The following HSF5 variants were observed in gnomAD, a reference collection of about 807,000 sequenced individuals.
HSF5 encodes heat shock factor protein 5.
In HSF5, 5 loss-of-function variants were observed where a neutral mutation model predicts 50.8. That is an observed-to-expected ratio of 0.10 (90% CI 0.05 to 0.21). HSF5 has a LOEUF of 0.21. HSF5 is among the 10% of genes least tolerant of loss of function. The pLI, the probability that HSF5 is intolerant of heterozygous loss-of-function variation, is 1.00. For missense variants in HSF5, 564 were observed against 762.6 expected (o/e 0.74, Z 3.07); for synonymous variants, 307 against 307.4 (o/e 1.00, Z 0.02).
At chr17:58,441,118 C>A (rs1035544127) in intron 5 of HSF5, among the ~76,000 whole-genome samples, 4 of 152,018 alleles carry the variant, frequency 2.6e-5, no homozygotes, top group African/African-American at 9.7e-5. Context: ...AAACAAGTCT[C>A]AATAAATATA....
intron 1 of HSF5, among the ~76,000 whole-genome samples, chr17:58,487,149 A>C (rs547661994): frequency 1.3e-5 from 2 of 151,390 alleles, no homozygotes; most frequent in South Asian, 2.1e-4. Context: ...CTCGTGATGC[A>C]CCCGCCTCGG....
intron 2 of HSF5, among the ~76,000 whole-genome samples, chr17:58,478,587 C>T (rs962723974): frequency 6.6e-6 from 1 of 150,734 alleles, no homozygotes; most frequent in South Asian, 2.1e-4. Flanking sequence ...AATGGCCAGG[C>T]AGGGTGGCTC....
intron 5 of HSF5, among the ~76,000 whole-genome samples, chr17:58,446,946 G>A (rs1974569999): frequency 6.6e-6 from 1 of 152,138 alleles, no homozygotes; most frequent in Non-Finnish European, 1.5e-5. Context: ...CCAAGATGGT[G>A]AAACTCTGTC....
At chr17:58,466,251 G>A (rs1473638777) in intron 3 of HSF5, among the ~76,000 whole-genome samples, 1 of 152,030 alleles carries the variant, frequency 6.6e-6, no homozygotes, top group Non-Finnish European at 1.5e-5. Flanking sequence ...TGGATGAAGG[G>A]GGCCACCACT....
chr17:58,472,309 C>A (rs563606527), intron 2 of HSF5, among the ~76,000 whole-genome samples: 20 of 145,586 alleles, frequency 1.4e-4, no homozygotes, highest in African/African-American at 3.9e-4. Context: ...TGTACCCCCC[C>A]CAAAAAAAGT....
intron 2 of HSF5, chr17:58,476,575 T>C: frequency 2.7e-6 from 4 of 1,508,778 alleles, no homozygotes; most frequent in Non-Finnish European, 3.7e-6. Context: ...AAAATAAAAA[T>C]CTATTCTGTA....
At chr17:58,424,549 T>G (rs1974267943) in intron 5 of HSF5, among the ~76,000 whole-genome samples, 1 of 150,270 alleles carries the variant, frequency 6.7e-6, no homozygotes, top group South Asian at 2.1e-4. Context: ...GAGATGGAGG[T>G]TGCAGTGAGC....
intron 5 of HSF5, among the ~76,000 whole-genome samples, chr17:58,457,846 T>G (rs907907907): frequency 1.3e-5 from 2 of 152,202 alleles, no homozygotes; most frequent in African/African-American, 4.8e-5. Flanking sequence ...TTGGAAAATA[T>G]AATCAACTAA....
intron 2 of HSF5, among the ~76,000 whole-genome samples, chr17:58,469,977 T>C (rs1183308722): frequency 6.6e-6 from 1 of 152,222 alleles, no homozygotes; most frequent in Admixed American, 6.5e-5. Flanking sequence ...GATTCAAATA[T>C]AGAATTAAAA....
intron 2 of HSF5, chr17:58,476,958 G>A (rs550068488): frequency 6.1e-6 from 4 of 660,512 alleles, no homozygotes; most frequent in South Asian, 5.4e-5. Flanking sequence ...CATGTGGCAC[G>A]GTTGGGAGAC....
chr17:58,426,090 G>C (rs185915952), intron 5 of HSF5, among the ~76,000 whole-genome samples: 5 of 152,274 alleles, frequency 3.3e-5, no homozygotes, highest in Admixed American at 6.5e-5. Context: ...AATATGAATA[G>C]ACCCAGTTGT....
At chr17:58,441,394 T>G (rs573558653) in intron 5 of HSF5, among the ~76,000 whole-genome samples, 1 of 152,250 alleles carries the variant, frequency 6.6e-6, no homozygotes, top group South Asian at 2.1e-4. Flanking sequence ...ATGTATAGTT[T>G]TAAATGTTAA....
chr17:58,428,186 C>G (rs1974318673), intron 5 of HSF5, among the ~76,000 whole-genome samples: 1 of 152,178 alleles, frequency 6.6e-6, no homozygotes, highest in Admixed American at 6.5e-5. Context: ...TTACTAACTC[C>G]TCTTCTAATA....
intron 5 of HSF5, among the ~76,000 whole-genome samples, chr17:58,434,471 G>T (rs1183780770): frequency 6.6e-6 from 1 of 151,536 alleles, no homozygotes; most frequent in Non-Finnish European, 1.5e-5. Flanking sequence ...AGAATCGCTT[G>T]ACCTGGGAGG....
At chr17:58,463,582 T>C (rs1469640204) in intron 3 of HSF5, among the ~76,000 whole-genome samples, 2 of 152,232 alleles carry the variant, frequency 1.3e-5, no homozygotes, top group African/African-American at 2.4e-5. Context: ...AAAGCTATAG[T>C]ACCCAAATAC....
chr17:58,476,918 T>A, intron 2 of HSF5: 1 of 882,372 alleles, frequency 1.1e-6, no homozygotes. Context: ...GGAGTTGAGC[T>A]CCTTTTTACT....
At chr17:58,440,748 A>G (rs1472113727) in intron 5 of HSF5, among the ~76,000 whole-genome samples, 1 of 152,216 alleles carries the variant, frequency 6.6e-6, no homozygotes, top group African/African-American at 2.4e-5. Flanking sequence ...GCAGATAACT[A>G]GAAACTCAAA....
chr17:58,473,410 A>G (rs1479479493), intron 2 of HSF5, among the ~76,000 whole-genome samples: 1 of 152,224 alleles, frequency 6.6e-6, no homozygotes, highest in East Asian at 1.9e-4. Flanking sequence ...GATTCTATAT[A>G]TAAAGATGAA....
chr17:58,460,916 A>C (rs1974786305), intron 4 of HSF5, among the ~76,000 whole-genome samples: 1 of 151,794 alleles, frequency 6.6e-6, no homozygotes, highest in Non-Finnish European at 1.5e-5. Context: ...GTGTTCTACA[A>C]ATATATTTAA....
Sources: gnomAD v4.1 joint callset for allele counts (sites outside exome capture counted in the v4.1 genomes callset) on GRCh38, gnomAD v4.1.1 for gene constraint, MANE v1.5 for transcripts, NCBI Gene and HGNC (gene_info 2026-07-23, HGNC 2026-07-21) for gene names.